Variants in PRR12 observed in about 807,000 individuals in gnomAD.
PRR12 encodes proline rich 12.
In PRR12, 12 loss-of-function variants were observed where a neutral mutation model predicts 138.0. The ratio of observed to expected loss-of-function variants is 0.09; its 90% CI spans 0.06 to 0.14. PRR12 has a LOEUF of 0.14. Ranked by LOEUF, PRR12 falls within the 10% of genes least tolerant of loss-of-function variation. The pLI, the probability that PRR12 is intolerant of heterozygous loss-of-function variation, is 1.00. For missense variants in PRR12, 2,692 were observed against 2,861.3 expected (o/e 0.94, Z 1.35); for synonymous variants, 1,567 against 1,291.7 (o/e 1.21, Z -4.57).
At chr19:49,607,713 GAAA>G (rs1171813856) in intron 6 of PRR12, among the ~76,000 whole-genome samples, 1 of 115,558 alleles carries the variant, frequency 8.7e-6, no homozygotes, top group Non-Finnish European at 1.8e-5. Context: ...GTCTCAAAAA[GAAA>G]AAAAAAAAAG....
intron 6 of PRR12, among the ~76,000 whole-genome samples, chr19:49,611,594 C>G (rs565770334): frequency 6.8e-6 from 1 of 147,868 alleles, no homozygotes; most frequent in African/African-American, 2.5e-5. Context: ...GCTGAAATCA[C>G]GTCACTGTAC....
At chr19:49,619,447 C>T (rs1183012400) in intron 9 of PRR12, among the ~76,000 whole-genome samples, 2 of 149,504 alleles carry the variant, frequency 1.3e-5, no homozygotes, top group Non-Finnish European at 3.0e-5. Context: ...GTTGGTCAGG[C>T]TGGTCTCGAA....
At position 49,616,810 on chromosome 19, in the gene PRR12, C is replaced by G. The variant is rs974052102; in HGVS notation, c.5497+591C>G. Among the ~76,000 whole-genome samples, 1 of 152,216 alleles carries G rather than the reference C, an allele frequency of 6.6e-6. No individual in the cohort carries two copies. On this transcript the variant is annotated intron_variant, in intron 9 of 13. Coordinates refer to ENST00000418929, the MANE Select transcript of PRR12 (RefSeq NM_020719.3). The surrounding 1 kb of genome is among the most constrained non-coding windows in gnomAD (Gnocchi z 4.2). The stretch of plus-strand genomic sequence containing the variant: ...GTCTACTCCATGTCTGCCCAGCACA[C>G]TGCCACATCCTCAGTGCTTATGATG...
chr19:49,607,567 A>T (rs1413349990), intron 6 of PRR12, among the ~76,000 whole-genome samples: 2 of 151,814 alleles, frequency 1.3e-5, no homozygotes, highest in Admixed American at 1.3e-4. Flanking sequence ...AATTAGCCGG[A>T]TATAGTGGCA....
chr19:49,618,713 C>G (rs532563267), intron 9 of PRR12, among the ~76,000 whole-genome samples: 1 of 151,994 alleles, frequency 6.6e-6, no homozygotes, highest in African/African-American at 2.4e-5. Context: ...TTCTACCTGT[C>G]GCCCCCACAG....
chr19:49,594,546 C>G lies in PRR12; in HGVS notation c.292C>G (p.Arg98Gly), dbSNP rs553670122. 1 of 1,613,004 alleles carries G rather than the reference C, an allele frequency of 6.2e-7. No individual in the cohort carries two copies. Among genetic ancestry groups the G allele is most frequent in the Middle Eastern group, 1.7e-4 (1 of 6,058 alleles). The change falls in exon 3 of 14, where the codon CGG (arginine) becomes GGG (glycine). Residue 98 changes from arginine (R) to glycine (G), a missense_variant. Physicochemically the swap from Arg to Gly is moderately radical, Grantham distance 125 (BLOSUM62 -2). This residue lies in a region of PRR12 where 211 missense variants were observed against 266.3 expected (regional missense o/e 0.79). Coordinates refer to ENST00000418929, the MANE Select transcript of PRR12 (RefSeq NM_020719.3). The surrounding 1 kb of genome is among the most constrained non-coding windows in gnomAD (Gnocchi z 5.6). ...VMNLISALES[R>G]GPQPGPSASS... ...GAACCTTATCTCGGCCCTGGAATCC[C>G]GGGGCCCCCAGCCTGGCCCCTCCGC...
Position 49,594,345 on chromosome 19 carries a change from C to T in PRR12, c.200-109C>T. 9.0e-7 allele frequency: 1 copy of T among 1,105,380 alleles called. No individual in the cohort carries two copies. The highest frequency in any genetic ancestry group is 1.3e-6 in the Non-Finnish European group (1 of 780,664). The allele number at this position is 1,105,380 out of a possible 1,614,324, so 68.5% of individuals were successfully genotyped here. A position where few individuals can be genotyped will look rare whatever the true frequency, so the allele number is the denominator to read the frequency against. Reference sequence around the variant, plus strand: ...GTTTTTGAATTTGCCCTTTTCTCTCCCATCCCCTCCTTTTCCTGATCCAAC... The same window carrying T: ...GTTTTTGAATTTGCCCTTTTCTCTCTCATCCCCTCCTTTTCCTGATCCAAC... On this transcript the variant is annotated intron_variant, in intron 2 of 13. Transcript: ENST00000418929. The surrounding 1 kb of genome is among the most constrained non-coding windows in gnomAD (Gnocchi z 5.6).
intron 6 of PRR12, among the ~76,000 whole-genome samples, chr19:49,608,702 T>C (rs1002617322): frequency 6.6e-6 from 1 of 151,986 alleles, no homozygotes; most frequent in Non-Finnish European, 1.5e-5. Flanking sequence ...TAACCAGACA[T>C]GGTGGTGCCC....
At chr19:49,604,755 T>C (rs1285324323) in intron 6 of PRR12, among the ~76,000 whole-genome samples, 2 of 152,204 alleles carry the variant, frequency 1.3e-5, no homozygotes, top group Non-Finnish European at 2.9e-5. Context: ...TTTATCTTTT[T>C]ATATAAAATA....
chr19:49,596,065 C>T lies in PRR12; in HGVS notation c.1730C>T (p.Pro577Leu). 1 of 1,601,716 alleles carries T rather than the reference C, an allele frequency of 6.2e-7. No individual in the cohort carries two copies. The highest frequency in any genetic ancestry group is 8.5e-7 in the Non-Finnish European group (1 of 1,179,736). ...CAGTCACCGCCTGCCACCGGCCGTCCACCTGGAGTCGGCTCTCCAGGAGCC... is the reference window on the plus strand; with the variant it reads ...CAGTCACCGCCTGCCACCGGCCGTCTACCTGGAGTCGGCTCTCCAGGAGCC... Reference protein sequence around the residue: ...PLQSPPATGRPPGVGSPGAPG... With the variant: ...PLQSPPATGRLPGVGSPGAPG... The change falls in exon 4 of 14, where the codon CCA becomes CTA. Residue 577 changes from proline (P) to leucine (L), a missense_variant. By Grantham distance (98) the Pro-to-Leu change is moderately conservative. This residue lies in a region of PRR12 where 66 missense variants were observed against 102.4 expected (regional missense o/e 0.64). Coordinates refer to ENST00000418929, the MANE Select transcript of PRR12 (RefSeq NM_020719.3). This position sits in a 1 kb window ranked among gnomAD's most constrained non-coding sequence, Gnocchi z 5.6.
chr19:49,592,377 C>T (rs937060553), intron 1 of PRR12, among the ~76,000 whole-genome samples: 18 of 152,294 alleles, frequency 1.2e-4, no homozygotes, highest in African/African-American at 4.1e-4. Context: ...GGAGCGTTTG[C>T]CCTCTTGAGT....
At chr19:49,621,005 T>A (rs1205222556) in intron 10 of PRR12, among the ~76,000 whole-genome samples, 6 of 91,694 alleles carry the variant, frequency 6.5e-5, no homozygotes, top group Non-Finnish European at 6.4e-5. Flanking sequence ...CTCCTGGGTC[T>A]GAGGGAGGAG....
At chr19:49,608,616 G>A (rs923290592) in intron 6 of PRR12, among the ~76,000 whole-genome samples, 6 of 152,104 alleles carry the variant, frequency 3.9e-5, no homozygotes, top group South Asian at 2.1e-4. Flanking sequence ...TGATCCGCCC[G>A]ACTTAGCCTC....
In PRR12 at chr19:49,597,507, G is replaced by C; in HGVS notation, c.3172G>C (p.Gly1058Arg). 6.4e-7 allele frequency: 1 copy of C among 1,554,316 alleles called. No individual in the cohort carries two copies. Among genetic ancestry groups the C allele is most frequent in the South Asian group, 1.2e-5 (1 of 84,310 alleles). Residue 1058 changes from glycine to arginine, a missense_variant, in exon 4 of 14, where the codon GGC becomes CGC. Physicochemically the swap from Gly to Arg is moderately radical, Grantham distance 125. This residue lies in a region of PRR12 where 840 missense variants were observed against 689.8 expected (regional missense o/e 1.22). Coordinates refer to ENST00000418929, the MANE Select transcript of PRR12 (RefSeq NM_020719.3). The surrounding 1 kb of genome is among the most constrained non-coding windows in gnomAD (Gnocchi z 6.3). ...PPAPASEPKG[G>R]LTSPIFCSTK... ...CGCGCCGGCCTCCGAACCCAAGGGT[G>C]GCCTCACCTCGCCCATCTTCTGCTC...
At position 49,595,175 on chromosome 19, in the gene PRR12, G is replaced by C; in HGVS notation, c.840G>C (p.Arg280=). 6.2e-7 allele frequency: 1 copy of C among 1,609,320 alleles called. No individual in the cohort carries two copies. Among genetic ancestry groups the C allele is most frequent in the East Asian group, 2.2e-5 (1 of 44,738 alleles). ...GAAPGPPPPE[R]ALPRQDTVIK... is the part of the protein sequence containing the mutation. ...CCCCGGGCCCACCGCCGCCTGAGCG[G>C]GCCCTGCCACGCCAGGACACGGTCA... Residue 280 remains arginine, a synonymous_variant, in exon 4 of 14, where the codon CGG becomes CGC. Coordinates refer to ENST00000418929, the MANE Select transcript of PRR12 (RefSeq NM_020719.3).
At chr19:49,623,610 C>T (rs944887415) in intron 11 of PRR12, among the ~76,000 whole-genome samples, 3 of 145,228 alleles carry the variant, frequency 2.1e-5, no homozygotes, top group Admixed American at 7.1e-5. Context: ...CCAGCCTGGG[C>T]GACAGAGCGA....
At position 49,596,350 on chromosome 19, in the gene PRR12, A is replaced by C; in HGVS notation, c.2015A>C (p.Lys672Thr). The change falls in exon 4 of 14, where the codon AAG becomes ACG. Residue 672 changes from lysine (K) to threonine (T), a missense_variant. Physicochemically the swap from Lys to Thr is moderately conservative, Grantham distance 78. This residue lies in a region of PRR12 where 840 missense variants were observed against 689.8 expected (regional missense o/e 1.22). Transcript: ENST00000418929. The surrounding 1 kb of genome is among the most constrained non-coding windows in gnomAD (Gnocchi z 5.6). ...VGEDGAADAS[K>T]GLGGSGGAGG... ...GAGGACGGGGCAGCAGATGCCTCTA[A>C]GGGACTTGGGGGGAGTGGCGGGGCC... The C allele has an allele frequency of 1.2e-6, 2 of 1,609,272 alleles. No individual in the cohort carries two copies. The highest frequency in any genetic ancestry group is 1.7e-6 in the Non-Finnish European group (2 of 1,179,218).
At chr19:49,601,383 G>A in intron 5 of PRR12, 108 bp from the exon 6 acceptor site, 1 of 659,018 alleles carries the variant, frequency 1.5e-6, no homozygotes, top group Non-Finnish European at 2.7e-6. Context: ...GGAGCTGAGT[G>A]GTAGTTACAG....
chr19:49,622,908 C>A (rs1160108934), intron 11 of PRR12, among the ~76,000 whole-genome samples: 1,472 of 97,162 alleles, frequency 0.015, 75 homozygotes, highest in African/African-American at 0.036. Flanking sequence ...AAAACAAAAA[C>A]ATATATATAT....
Sources: gnomAD v4.1 joint callset for allele counts (sites outside exome capture counted in the v4.1 genomes callset) on GRCh38, gnomAD v4.1.1 for gene constraint, gnomAD v4.1.1 regional missense constraint, Gnocchi (gnomAD v3.1) non-coding constraint, MANE v1.5 for transcripts, NCBI Gene and HGNC (gene_info 2026-07-23, HGNC 2026-07-21) for gene names.